Variants in PARD3 observed in about 807,000 individuals in gnomAD.
PARD3 encodes the protein par-3 family cell polarity regulator.
PARD3 carries 75 observed loss-of-function variants against 155.4 expected under a neutral mutation model. The observed-to-expected ratio is 0.48, with a 90% CI of 0.40 to 0.58. The LOEUF is 0.58. PARD3 is among the 20% of genes least tolerant of loss of function. The probability of loss-of-function intolerance (pLI) is 0.00; values close to 1 mark genes in which losing one functional copy is unlikely to be tolerated. For missense variants in PARD3, 1,642 were observed against 1,721.7 expected (o/e 0.95, Z 0.82); for synonymous variants, 576 against 610.5 (o/e 0.94, Z 0.83).
chr10:34,338,432 C>T (rs1286658901), intron 16 of PARD3, among the ~76,000 whole-genome samples: 2 of 152,200 alleles, frequency 1.3e-5, no homozygotes, highest in South Asian at 2.1e-4. Flanking sequence ...AGTATACTAG[C>T]TCTACTATAT....
rs770659159 is a variant in PARD3 at position 34,374,862 on chromosome 10, A to G, written c.1668+12T>C. 1 of 1,612,746 alleles carries G rather than the reference A, an allele frequency of 6.2e-7. No homozygotes were observed. The highest frequency in any genetic ancestry group is 8.5e-7 in the Non-Finnish European group (1 of 1,179,512). ...ATATCAGAAATCTTTCATCTACTCTAAATTTACACACCAGTTCCCTTGGGT... is the reference window on the plus strand; with the variant it reads ...ATATCAGAAATCTTTCATCTACTCTGAATTTACACACCAGTTCCCTTGGGT... On this transcript the variant is annotated intron_variant, in intron 11 of 24. Transcript: ENST00000374788.
At chr10:34,352,793 T>C (rs928785804) in intron 14 of PARD3, among the ~76,000 whole-genome samples, 2 of 151,858 alleles carry the variant, frequency 1.3e-5, no homozygotes, top group African/African-American at 2.4e-5. Flanking sequence ...GGAGCCTCTC[T>C]GCCTGGTCGC....
intron 24 of PARD3, among the ~76,000 whole-genome samples, chr10:34,113,775 T>C (rs1946522540): frequency 6.6e-6 from 1 of 152,042 alleles, no homozygotes; most frequent in South Asian, 2.1e-4. Context: ...ACTGGGCGAG[T>C]TCTGCTCACT....
Position 34,760,749 on chromosome 10 carries a change from A to C in PARD3, c.120+54127T>G, listed in dbSNP as rs530475848. On this transcript the variant is annotated intron_variant, in intron 1 of 24. Coordinates refer to ENST00000374788, the MANE Select transcript of PARD3 (RefSeq NM_001184785.2). Reference sequence around the variant, plus strand: ...GGCTCTCTCTCAGATTAGGAGCTGCATGTGGTGAGGAGTTGACACCTCCTG... The same window carrying C: ...GGCTCTCTCTCAGATTAGGAGCTGCCTGTGGTGAGGAGTTGACACCTCCTG... Among the ~76,000 whole-genome samples the C allele has an allele frequency of 2.6e-5, 4 of 152,326 alleles. No individual in the cohort carries two copies. The East Asian group carries it at 5.8e-4, about 22-fold the overall frequency.
intron 22 of PARD3, among the ~76,000 whole-genome samples, chr10:34,158,668 G>A (rs1441018): frequency 0.089 from 13,608 of 152,154 alleles, 1,318 homozygotes; most frequent in African/African-American, 0.25. Flanking sequence ...CTCCTAGAAC[G>A]CTGTCCAACA....
intron 19 of PARD3, among the ~76,000 whole-genome samples, chr10:34,317,769 A>G (rs1297815189): frequency 3.3e-5 from 5 of 152,206 alleles, no homozygotes. Flanking sequence ...AATAATGCAG[A>G]TACACTCTGG....
At chr10:34,577,930 C>T (rs1437368266) in intron 2 of PARD3, among the ~76,000 whole-genome samples, 2 of 151,892 alleles carry the variant, frequency 1.3e-5, no homozygotes, top group African/African-American at 2.4e-5. Context: ...GAGCTCGCTG[C>T]AGCTTCAAAC....
At chr10:34,198,453 G>GGT (rs59976562) in intron 22 of PARD3, among the ~76,000 whole-genome samples, 7,210 of 146,948 alleles carry the variant, frequency 0.049, 205 homozygotes, top group South Asian at 0.085. Context: ...ATCACTAATT[G>GGT]GTGTGTGTGT....
chr10:34,777,886 A>G (rs1288617873), intron 1 of PARD3, among the ~76,000 whole-genome samples: 2 of 152,052 alleles, frequency 1.3e-5, no homozygotes, highest in Non-Finnish European at 2.9e-5. Flanking sequence ...GAGTCTAGGA[A>G]AGAGACCAGA....
At position 34,438,196 on chromosome 10, in the gene PARD3, A is replaced by G. The variant is rs542889407; in HGVS notation, c.714+12121T>C. ...GTTCAACTACAAGACATTCTTGAAG[A>G]AAGTTCACAAACGATTAAACTTATG... On this transcript the variant is annotated intron_variant, in intron 5 of 24. Transcript: ENST00000374788. Among the ~76,000 whole-genome samples the G allele has an allele frequency of 1.7e-4, 26 of 152,338 alleles. 1 individual carries two copies. The South Asian group carries it at 5.0e-3, about 29-fold the overall frequency.
At chr10:34,580,042 T>C (rs2087294205) in intron 2 of PARD3, among the ~76,000 whole-genome samples, 1 of 152,068 alleles carries the variant, frequency 6.6e-6, no homozygotes, top group Non-Finnish European at 1.5e-5. Flanking sequence ...GCCTCCTGTG[T>C]AACTGGGATT....
intron 2 of PARD3, among the ~76,000 whole-genome samples, chr10:34,533,129 C>T (rs2082972015): frequency 6.6e-6 from 1 of 152,166 alleles, no homozygotes; most frequent in South Asian, 2.1e-4. Context: ...ATGGGACCAT[C>T]ATCCTATATG....
intron 2 of PARD3, among the ~76,000 whole-genome samples, chr10:34,646,609 T>C (rs1306034258): frequency 6.6e-6 from 1 of 152,216 alleles, no homozygotes; most frequent in Non-Finnish European, 1.5e-5. Flanking sequence ...TATCACGGAA[T>C]ATTCTTGGTC....
intron 20 of PARD3, among the ~76,000 whole-genome samples, chr10:34,295,232 C>A (rs1479174314): frequency 6.6e-6 from 1 of 152,102 alleles, no homozygotes; most frequent in African/African-American, 2.4e-5. Flanking sequence ...GTGGGTGAAG[C>A]AGCAAGGGGT....
At chr10:34,415,677 G>A (rs1475427300) in intron 5 of PARD3, among the ~76,000 whole-genome samples, 4 of 152,184 alleles carry the variant, frequency 2.6e-5, no homozygotes, top group Admixed American at 1.3e-4. Context: ...TCACCGGTAT[G>A]GCACCTCAGT....
intron 22 of PARD3, among the ~76,000 whole-genome samples, chr10:34,267,274 C>T (rs1955366796): frequency 6.6e-6 from 1 of 152,022 alleles, no homozygotes; most frequent in Non-Finnish European, 1.5e-5. Context: ...TGGCAGAAAC[C>T]AAGTAAGAGC....
intron 2 of PARD3, among the ~76,000 whole-genome samples, chr10:34,666,639 C>A (rs73269436): frequency 6.6e-6 from 1 of 151,482 alleles, no homozygotes; most frequent in Non-Finnish European, 1.5e-5. Flanking sequence ...AGGGACAGGG[C>A]AGGCACACCT....
rs138274263 is a variant in PARD3 at position 34,297,013 on chromosome 10, A to T, written c.3066-12768T>A. Among the ~76,000 whole-genome samples the T allele has an allele frequency of 1.5e-3, 223 of 152,280 alleles. 1 individual carries two copies. The highest frequency in any genetic ancestry group is 4.8e-3 in the African/African-American group (199 of 41,558). On this transcript the variant is annotated intron_variant, in intron 20 of 24. Coordinates refer to ENST00000374788, the MANE Select transcript of PARD3 (RefSeq NM_001184785.2). The stretch of plus-strand genomic sequence containing the variant: ...CCTAGGTCACTACAACCAACATTAA[A>T]ACACCATGATAAACAGCCTCACTCA...
intron 15 of PARD3, chr10:34,344,054 A>G (rs1017721747): frequency 2.1e-6 from 2 of 939,230 alleles, no homozygotes; most frequent in Non-Finnish European, 2.5e-6. Flanking sequence ...AACTCACCAC[A>G]TATATATGAA....
Sources: gnomAD v4.1 joint callset for allele counts (sites outside exome capture counted in the v4.1 genomes callset) on GRCh38, gnomAD v4.1.1 for gene constraint, MANE v1.5 for transcripts, NCBI Gene and HGNC (gene_info 2026-07-23, HGNC 2026-07-21) for gene names.